DIS3: variants seen among roughly 807,000 people sequenced by gnomAD.
DIS3 encodes exosome complex exonuclease RRP44.
A neutral mutation model predicts 113.0 loss-of-function variants in DIS3; 103 were observed. The observed-to-expected ratio is 0.91, with a 90% confidence interval of 0.78 to 1.07. The LOEUF is 1.07. Ranked by LOEUF, DIS3 falls within the 50% of genes least tolerant of loss-of-function variation. DIS3 has a pLI of 0.00. For missense variants in DIS3, 1,121 were observed against 1,167.1 expected (o/e 0.96, Z 0.58); for synonymous variants, 402 against 394.3 (o/e 1.02, Z -0.23).
At position 72,775,381 on chromosome 13, in the gene DIS3, T is replaced by C; in HGVS notation, c.823-6A>G. ...TTAAGTCCCTGTAAGATTATCTGTT[T>C]AAAACAACAGAGGGCACGTGCCCAA... is the stretch of plus-strand genomic sequence containing the variant. On this transcript the variant is annotated splice_region_variant and splice_polypyrimidine_tract_variant and intron_variant, in intron 5 of 20. Coordinates refer to ENST00000377767, the MANE Select transcript of DIS3 (RefSeq NM_014953.5). The C allele has an allele frequency of 6.3e-7, 1 of 1,590,450 alleles. No homozygotes were observed. Among genetic ancestry groups the C allele is most frequent in the African/African-American group, 1.4e-5 (1 of 73,762 alleles).
At chr13:72,778,626 A>G (rs1369371557) in intron 2 of DIS3, among the ~76,000 whole-genome samples, 2 of 152,208 alleles carry the variant, frequency 1.3e-5, no homozygotes, top group African/African-American at 4.8e-5. Context: ...GGCTAATACA[A>G]TTTTATTTCC....
At chr13:72,760,849 TTAAGG>T (rs972742649) in intron 19 of DIS3, among the ~76,000 whole-genome samples, 198 bp from the exon 20 acceptor site, 32 of 152,238 alleles carry the variant, frequency 2.1e-4, no homozygotes, top group African/African-American at 7.7e-4. Flanking sequence ...TTCTCCTTCA[TTAAGG>T]TATTTCTAAT....
At chr13:72,768,960 ATGGTT>A (rs1425203273) in intron 13 of DIS3, 48 bp from the exon 14 acceptor site, 2 of 1,319,470 alleles carry the variant, frequency 1.5e-6, no homozygotes, top group African/African-American at 3.0e-5. Flanking sequence ...TGATAGAAAA[ATGGTT>A]TTCAATATGT....
In DIS3 at chr13:72,763,463, T is replaced by C. The variant is rs185086317; in HGVS notation, c.2115A>G (p.Ala705=). 39 of 1,613,204 alleles carry C rather than the reference T, an allele frequency of 2.4e-5. No homozygotes were observed. The highest frequency in any genetic ancestry group is 3.3e-4 in the Middle Eastern group (2 of 6,054). The part of the protein sequence containing the change: ...PPSNYEILVK[A]ARSRNLEIKT... ...TGTAGGACCTTACCCTTGACCTGGC[T>C]GCCTTAACAAGAATTTCATAATTTG... The change falls in exon 16 of 21, where the codon GCA becomes GCG. Residue 705 remains alanine, a synonymous_variant. Transcript: ENST00000377767.
chr13:72,772,271 A>T lies in DIS3; in HGVS notation c.1391T>A (p.Met464Lys), dbSNP rs375318792. 5.0e-6 allele frequency: 8 copies of T among 1,607,410 alleles called. No individual in the cohort carries two copies. Among genetic ancestry groups the T allele is most frequent in the Non-Finnish European group, 6.8e-6 (8 of 1,176,528 alleles). ...KMPWSITEKD[M>K]KNREDLRHLC... ...ATGCCTCAGGTCTTCTCGGTTTTTC[A>T]TGTCCTAGAAGACATGAAATGATAA... Residue 464 changes from methionine (M) to lysine (K), a missense_variant, in exon 10 of 21, where the codon ATG becomes AAG. Physicochemically the swap from Met to Lys is moderately conservative, Grantham distance 95. Coordinates refer to ENST00000377767, the MANE Select transcript of DIS3 (RefSeq NM_014953.5).
At position 72,762,049 on chromosome 13, in the gene DIS3, A is replaced by G; in HGVS notation, c.2216T>C (p.Leu739Pro). 6.2e-7 allele frequency: 1 copy of G among 1,614,172 alleles called. No individual in the cohort carries two copies. The highest frequency in any genetic ancestry group is 1.1e-5 in the South Asian group (1 of 91,082). ...ACAGCGAGTGGCTAATATTCTCAAC[A>G]GAGTGTTTAGATATGGAAAAGTAGG... is the stretch of plus-strand genomic sequence containing the variant. ...ESPTFPYLNT[L>P]LRILATRCMM... Residue 739 changes from leucine to proline, a missense_variant, in exon 17 of 21, where the codon CTG becomes CCG. Transcript: ENST00000377767.
chr13:72,766,612 A>T (rs1295907442), intron 14 of DIS3, among the ~76,000 whole-genome samples: 2 of 152,178 alleles, frequency 1.3e-5, no homozygotes, highest in Admixed American at 6.5e-5. Flanking sequence ...TTAATATTTG[A>T]TTGCTAAGTG....
intron 11 of DIS3, among the ~76,000 whole-genome samples, chr13:72,771,561 G>GA (rs1160231996): frequency 3.3e-5 from 5 of 151,944 alleles, no homozygotes; most frequent in Admixed American, 3.3e-4. Context: ...AATTTTTATG[G>GA]AAAAAAGTAT....
chr13:72,780,765 T>G, intron 2 of DIS3, 81 bp downstream of exon 2: 1 of 1,287,970 alleles, frequency 7.8e-7, no homozygotes, highest in African/African-American at 1.5e-5. Context: ...TCTGACAATG[T>G]CATAAATTAC....
chr13:72,761,315 A>G, intron 19 of DIS3, 48 bp downstream of exon 19: 1 of 1,561,624 alleles, frequency 6.4e-7, no homozygotes. Context: ...GAACTCTCAA[A>G]GAAAAAGTGC....
chr13:72,766,185 T>C (rs2033746127), intron 14 of DIS3, 127 bp from the exon 15 acceptor site: 2 of 648,994 alleles, frequency 3.1e-6, no homozygotes, highest in Non-Finnish European at 4.9e-6. Context: ...CTGAAGGCTT[T>C]ATGACCATCT....
At chr13:72,775,886 CTTT>C (rs1566250009) in intron 5 of DIS3, 36 bp downstream of exon 5, 1 of 1,465,166 alleles carries the variant, frequency 6.8e-7, no homozygotes, top group South Asian at 1.3e-5. Context: ...AAAATATCAT[CTTT>C]ATTTTAGTGT....
Position 72,765,976 on chromosome 13 carries a change from GT to G in DIS3, c.1965del (p.Glu655AspfsTer82), listed in dbSNP as rs1566242038. On this transcript the variant is annotated frameshift_variant, in exon 15 of 21. Coordinates refer to ENST00000377767, the MANE Select transcript of DIS3 (RefSeq NM_014953.5). LOFTEE classifies it high-confidence loss of function. ...THDPIDLQTK[E>X]LRETNSMVEE... The stretch of plus-strand genomic sequence containing the variant: ...CCCATCAAAAAAATTACAAACCTAA[GT>G]TCCTTGGTCTGCAGATCTATAGGAT... 6.2e-7 allele frequency: 1 copy of G among 1,601,878 alleles called. No homozygotes were observed. Among genetic ancestry groups the G allele is most frequent in the South Asian group, 1.1e-5 (1 of 87,852 alleles).
In DIS3 at chr13:72,753,434, T is replaced by C. The variant is rs560412271; in HGVS notation, c.*6361A>G. ...AAATAACAGGAAAGCATTGTGTCAG[T>C]AGGCTGTTCACTGATTCTTAAGGAA... On this transcript the variant is annotated 3_prime_UTR_variant, in exon 21 of 21. Transcript: ENST00000377767. The C allele has an allele frequency of 1.0e-5, 3 of 300,838 alleles. No homozygotes were observed. Among genetic ancestry groups the C allele is most frequent in the Admixed American group, 4.8e-5 (1 of 20,900 alleles). The allele number at this position is 300,838 out of a possible 1,614,324, so 18.6% of individuals were successfully genotyped here. A position where few individuals can be genotyped will look rare whatever the true frequency, so the allele number is the denominator to read the frequency against.
Position 72,775,376 on chromosome 13 carries a change from C to G in DIS3, c.823-1G>C. ...AATGTTTAAGTCCCTGTAAGATTAT[C>G]TGTTTAAAACAACAGAGGGCACGTG... On this transcript the variant is annotated splice_acceptor_variant, in intron 5 of 20. Transcript: ENST00000377767. LOFTEE classifies it high-confidence loss of function. The G allele has an allele frequency of 6.3e-7, 1 of 1,590,496 alleles. No individual in the cohort carries two copies. Among genetic ancestry groups the G allele is most frequent in the Non-Finnish European group, 8.5e-7 (1 of 1,170,622 alleles).
rs183901129 is a variant in DIS3, at chr13:72,755,287, T to G, written c.*4508A>C. 4,846 of 1,312,358 alleles carry G rather than the reference T, an allele frequency of 3.7e-3. 13 individuals carry two copies. The highest frequency in any genetic ancestry group is 4.7e-3 in the Non-Finnish European group (4,360 of 921,018). The allele number at this position is 1,312,358 out of a possible 1,614,324, so 81.3% of individuals were successfully genotyped here. Reference sequence around the variant, plus strand: ...TATATCGTTGTGCACAGGATCAACATGATGGTGACTGGGAAAAAATTACTT... The same window carrying G: ...TATATCGTTGTGCACAGGATCAACAGGATGGTGACTGGGAAAAAATTACTT... On this transcript the variant is annotated 3_prime_UTR_variant, in exon 21 of 21. Transcript: ENST00000377767.
At chr13:72,770,782 TATAA>T (rs2033866828) in intron 13 of DIS3, 118 bp downstream of exon 13, 3 of 449,596 alleles carry the variant, frequency 6.7e-6, no homozygotes, top group Non-Finnish European at 1.1e-5. Context: ...TTTTCAAATA[TATAA>T]ATATTTTTAT....
intron 8 of DIS3, 146 bp downstream of exon 8, chr13:72,773,538 T>C: frequency 1.3e-6 from 1 of 793,142 alleles, no homozygotes; most frequent in Non-Finnish European, 1.9e-6. Flanking sequence ...AAAGTAGACA[T>C]GCTACTTACC....
In DIS3 at chr13:72,777,509, T is replaced by G; in HGVS notation, c.581-16A>C. ...TATTCTTCACCTGAAAAAATAAGTTTATGTTGTTTTTGATAAGTGTTTTTT... is the reference window on the plus strand; with the variant it reads ...TATTCTTCACCTGAAAAAATAAGTTGATGTTGTTTTTGATAAGTGTTTTTT... On this transcript the variant is annotated splice_polypyrimidine_tract_variant and intron_variant, in intron 3 of 20. Transcript: ENST00000377767. 1 of 1,611,434 alleles carries G rather than the reference T, an allele frequency of 6.2e-7. No homozygotes were observed. Among genetic ancestry groups the G allele is most frequent in the Non-Finnish European group, 8.5e-7 (1 of 1,177,758 alleles).
Sources: gnomAD v4.1 joint callset for allele counts (sites outside exome capture counted in the v4.1 genomes callset) on GRCh38, gnomAD v4.1.1 for gene constraint, MANE v1.5 for transcripts, NCBI Gene and HGNC (gene_info 2026-07-23, HGNC 2026-07-21) for gene names.